The following MCTP1 variants were observed in gnomAD, a reference collection of about 807,000 sequenced individuals.
MCTP1 encodes the protein multiple C2 and transmembrane domain-containing protein 1.
MCTP1 carries 69 observed loss-of-function variants against 120.6 expected under a neutral mutation model. The observed-to-expected ratio is 0.57, with a 90% confidence interval of 0.47 to 0.70. MCTP1 has a LOEUF of 0.70. Ranked by LOEUF, MCTP1 falls within the 30% of genes least tolerant of loss-of-function variation. The pLI is 0.00. For synonymous variants in MCTP1, 529 were observed against 493.1 expected, an observed-to-expected ratio of 1.07 and a Z score of -0.96; for missense variants, 1,203 against 1,248.8, an observed-to-expected ratio of 0.96 and a Z score of 0.55.
At chr5:95,003,277 T>C (rs1003792070) in intron 2 of MCTP1, among the ~76,000 whole-genome samples, 2 of 152,204 alleles carry the variant, frequency 1.3e-5, no homozygotes, top group Non-Finnish European at 2.9e-5. Context: ...CTGTACCTTT[T>C]CTATGTTGTA....
At chr5:95,216,178 G>A (rs573598392) in intron 1 of MCTP1, among the ~76,000 whole-genome samples, 32 of 152,218 alleles carry the variant, frequency 2.1e-4, no homozygotes, top group Admixed American at 3.9e-4. Context: ...GTTTTCCAGT[G>A]AATAAAAATA....
At chr5:95,081,731 G>A (rs1243569206) in intron 1 of MCTP1, 14 of 1,237,404 alleles carry the variant, frequency 1.1e-5, no homozygotes, top group African/African-American at 1.5e-5. Context: ...TAAGGGAAGA[G>A]TTTCCCATTG....
chr5:94,911,259 C>A (rs953302468), intron 9 of MCTP1, among the ~76,000 whole-genome samples: 1 of 152,132 alleles, frequency 6.6e-6, no homozygotes, highest in East Asian at 1.9e-4. Flanking sequence ...ATCAGTTGTC[C>A]TAAGCTGTCT....
chr5:94,774,598 C>A (rs1427067966), intron 19 of MCTP1, among the ~76,000 whole-genome samples: 1 of 152,124 alleles, frequency 6.6e-6, no homozygotes, highest in African/African-American at 2.4e-5. Flanking sequence ...CTGACTGCTA[C>A]CTTGAATGTG....
intron 10 of MCTP1, among the ~76,000 whole-genome samples, chr5:94,905,038 T>C (rs542579170): frequency 6.6e-6 from 1 of 152,204 alleles, no homozygotes; most frequent in East Asian, 1.9e-4. Context: ...GAAAAGCAGG[T>C]TCAATTTTAA....
chr5:95,081,523 G>C lies in MCTP1; in HGVS notation c.721-64039C>G, dbSNP rs185424731. On this transcript the variant is annotated intron_variant, in intron 1 of 22. Transcript: ENST00000515393. ...AACAAAACATCTTTCACTCCAGTGA[G>C]AGAACTGCATATTTAGACTTGCTTT... is the stretch of plus-strand genomic sequence containing the variant. 6.3e-6 allele frequency: 10 copies of C among 1,591,452 alleles called. No individual in the cohort carries two copies. The East Asian group carries it at 6.7e-5, about 11-fold the overall frequency.
At chr5:95,139,115 A>C (rs1048968693) in intron 1 of MCTP1, among the ~76,000 whole-genome samples, 4 of 152,238 alleles carry the variant, frequency 2.6e-5, no homozygotes, top group African/African-American at 9.6e-5. Context: ...TCAGCTAAGA[A>C]ACATAATTAT....
At chr5:95,198,654 A>G (rs1750659652) in intron 1 of MCTP1, among the ~76,000 whole-genome samples, 1 of 152,168 alleles carries the variant, frequency 6.6e-6, no homozygotes, top group Non-Finnish European at 1.5e-5. Context: ...TCCCGCTTTT[A>G]AAAGAAAGAC....
At chr5:94,963,916 A>C (rs1012144622) in intron 2 of MCTP1, among the ~76,000 whole-genome samples, 18 of 152,130 alleles carry the variant, frequency 1.2e-4, no homozygotes, top group African/African-American at 4.3e-4. Flanking sequence ...CATTTTCTCT[A>C]TCTTTCCTTC....
At chr5:95,061,591 A>C (rs1244234451) in intron 1 of MCTP1, among the ~76,000 whole-genome samples, 3 of 149,820 alleles carry the variant, frequency 2.0e-5, no homozygotes, top group South Asian at 2.1e-4. Flanking sequence ...GCCCGCCACT[A>C]CGCCCGGCTA....
At chr5:95,134,749 G>T (rs1290285510) in intron 1 of MCTP1, among the ~76,000 whole-genome samples, 4 of 152,112 alleles carry the variant, frequency 2.6e-5, no homozygotes, top group African/African-American at 4.8e-5. Flanking sequence ...ACATGGCCAA[G>T]CTCAGAGTCA....
chr5:94,963,259 T>C (rs1824734927), intron 2 of MCTP1, among the ~76,000 whole-genome samples: 1 of 152,050 alleles, frequency 6.6e-6, no homozygotes, highest in Non-Finnish European at 1.5e-5. Flanking sequence ...AATGCTGCAA[T>C]GAACATGGGA....
At chr5:94,819,998 A>T (rs1785296715) in intron 17 of MCTP1, among the ~76,000 whole-genome samples, 1 of 152,286 alleles carries the variant, frequency 6.6e-6, no homozygotes, top group Admixed American at 6.5e-5. Flanking sequence ...ATGGACAAGA[A>T]TTTTCAGTGA....
chr5:94,903,005 C>T (rs1699037283), intron 10 of MCTP1, among the ~76,000 whole-genome samples: 1 of 152,172 alleles, frequency 6.6e-6, no homozygotes, highest in African/African-American at 2.4e-5. Flanking sequence ...CAAACAGTAA[C>T]TCATGAAAGA....
rs1316753724 is a variant in MCTP1, at chr5:95,284,650, C to CCGGG, written c.-76_-75insCCCG. ...GCTTCTCCTCCCTCTTCGGCTGCACCTCCTCCCGGGTCCCCGCGGCGCTGG... is the reference window on the plus strand; with the variant it reads ...GCTTCTCCTCCCTCTTCGGCTGCACCCGGGTCCTCCCGGGTCCCCGCGGCGCTGG... On this transcript the variant is annotated 5_prime_UTR_variant, in exon 1 of 23. Transcript: ENST00000515393. This position sits in a 1 kb window ranked among gnomAD's most constrained non-coding sequence, Gnocchi z 5.2. 4.0e-6 allele frequency: 5 copies of CCGGG among 1,250,682 alleles called. No homozygotes were observed. Among genetic ancestry groups the CCGGG allele is most frequent in the Non-Finnish European group, 5.2e-6 (5 of 961,734 alleles). 77.5% of individuals were successfully genotyped at this position (1,250,682 alleles called of 1,614,324 possible).
chr5:94,854,376 G>A lies in MCTP1; in HGVS notation c.2436+13957C>T, dbSNP rs146022063. On this transcript the variant is annotated intron_variant, in intron 17 of 22. Transcript: ENST00000515393. ...TTAGAGTCTGACAAGAAGTGAAAAT[G>A]AGGTTGGGGAATGGAATAATTGAGT... is the stretch of plus-strand genomic sequence containing the variant. Among the ~76,000 whole-genome samples the A allele has an allele frequency of 2.6e-5, 4 of 151,952 alleles. No homozygotes were observed. In the East Asian group the frequency reaches 7.8e-4, roughly 30 times the overall value.
At chr5:94,764,562 A>G (rs375254074) in intron 19 of MCTP1, among the ~76,000 whole-genome samples, 1 of 152,202 alleles carries the variant, frequency 6.6e-6, no homozygotes, top group South Asian at 2.1e-4. Context: ...AATAGAAACC[A>G]AGATTGAGCT....
intron 8 of MCTP1, 144 bp from the exon 9 acceptor site, chr5:94,913,120 T>G: frequency 3.1e-6 from 1 of 320,216 alleles, no homozygotes; most frequent in Non-Finnish European, 5.5e-6. Context: ...AATTATGAAT[T>G]ATTAATTAAT....
chr5:94,868,682 T>C (rs1797272860), intron 16 of MCTP1, among the ~76,000 whole-genome samples: 3 of 151,992 alleles, frequency 2.0e-5, no homozygotes, highest in Admixed American at 2.0e-4. Flanking sequence ...ACATGTAGGT[T>C]GGACTACCTT....
Sources: gnomAD v4.1 joint callset for allele counts (sites outside exome capture counted in the v4.1 genomes callset) on GRCh38, gnomAD v4.1.1 for gene constraint, Gnocchi (gnomAD v3.1) non-coding constraint, MANE v1.5 for transcripts, NCBI Gene and HGNC (gene_info 2026-07-23, HGNC 2026-07-21) for gene names.